LCA5: variants seen among roughly 807,000 people sequenced by gnomAD.
LCA5 encodes the protein lebercilin.
LCA5 carries 37 observed loss-of-function variants against 53.0 expected under a neutral mutation model. The observed-to-expected ratio is 0.70, with a 90% CI of 0.54 to 0.92. The LOEUF (loss-of-function observed/expected upper bound fraction) is 0.92, where lower values mean the gene tolerates loss of function less well. Among genes scored for constraint, LCA5 ranks in the 40% least tolerant of loss-of-function variants. The pLI is 0.00. For synonymous variants in LCA5, 303 were observed against 282.9 expected, an observed-to-expected ratio of 1.07 and a Z score of -0.71; for missense variants, 806 against 790.5, an observed-to-expected ratio of 1.02 and a Z score of -0.23.
chr6:79,500,798 A>G (rs965302698), intron 3 of LCA5, among the ~76,000 whole-genome samples: 2 of 151,926 alleles, frequency 1.3e-5, no homozygotes, highest in Non-Finnish European at 2.9e-5. Flanking sequence ...GCTCCATGTG[A>G]CAGCCCTTTA....
intron 6 of LCA5, among the ~76,000 whole-genome samples, 173 bp from the exon 7 acceptor site, chr6:79,489,389 C>G (rs568516536): frequency 6.6e-6 from 1 of 152,180 alleles, no homozygotes; most frequent in African/African-American, 2.4e-5. Context: ...TTCTTCAAAA[C>G]CGCACAGGAT....
At chr6:79,500,638 G>A (rs1015141154) in intron 3 of LCA5, among the ~76,000 whole-genome samples, 1 of 152,126 alleles carries the variant, frequency 6.6e-6, no homozygotes, top group Admixed American at 6.6e-5. Flanking sequence ...AAATACTTCA[G>A]GAAGCAGAAA....
intron 1 of LCA5, among the ~76,000 whole-genome samples, chr6:79,520,305 A>G (rs1020379774): frequency 1.5e-4 from 23 of 152,174 alleles, no homozygotes; most frequent in African/African-American, 5.3e-4. Context: ...TTATACTATT[A>G]TCATAAAGAA....
intron 3 of LCA5, among the ~76,000 whole-genome samples, chr6:79,505,682 A>T (rs1442643913): frequency 6.6e-6 from 1 of 152,150 alleles, no homozygotes; most frequent in Non-Finnish European, 1.5e-5. Context: ...AATTAGCTTC[A>T]TTTGTTAGAT....
At chr6:79,492,328 A>G (rs1242103475) in intron 5 of LCA5, among the ~76,000 whole-genome samples, 1 of 151,990 alleles carries the variant, frequency 6.6e-6, no homozygotes, top group Non-Finnish European at 1.5e-5. Flanking sequence ...GAAATTTCAA[A>G]AAGTTATGTA....
chr6:79,519,303 T>C (rs1209041916), intron 1 of LCA5, among the ~76,000 whole-genome samples: 1 of 152,214 alleles, frequency 6.6e-6, no homozygotes, highest in Non-Finnish European at 1.5e-5. Context: ...GACATACAAC[T>C]ACTTCTGAAT....
At chr6:79,516,225 T>A (rs1187902006) in intron 2 of LCA5, among the ~76,000 whole-genome samples, 1 of 151,890 alleles carries the variant, frequency 6.6e-6, no homozygotes, top group Non-Finnish European at 1.5e-5. Context: ...GTTGAGAATA[T>A]AATTTTAAAG....
At chr6:79,500,297 C>T (rs1445893497) in intron 3 of LCA5, among the ~76,000 whole-genome samples, 1 of 151,936 alleles carries the variant, frequency 6.6e-6, no homozygotes, top group Non-Finnish European at 1.5e-5. Flanking sequence ...ACATTTTTTC[C>T]AAAGGACATA....
At chr6:79,488,947 C>T in intron 7 of LCA5, 137 bp downstream of exon 7, 1 of 944,402 alleles carries the variant, frequency 1.1e-6, no homozygotes, top group South Asian at 1.5e-5. Context: ...GATAAGCCAT[C>T]CCCTACCACT....
Position 79,487,352 on chromosome 6 carries a change from G to C in LCA5, c.1746C>G (p.Asn582Lys). The C allele has an allele frequency of 6.2e-7, 1 of 1,613,028 alleles. No individual in the cohort carries two copies. The highest frequency in any genetic ancestry group is 8.5e-7 in the Non-Finnish European group (1 of 1,179,704). ...QKSSFLDFQR[N>K]SMEKLSKDGV... ...CATCTTTACTAAGTTTTTCCATACT[G>C]TTTCTTTGGAAATCCAAAAAACTAC... The change falls in exon 8 of 8, where the codon AAC becomes AAG. Residue 582 changes from asparagine (N) to lysine (K), a missense_variant. Asn to Lys is a moderately conservative substitution (Grantham distance 94, BLOSUM62 0). Transcript: ENST00000369846.
In LCA5 at chr6:79,513,335, T is replaced by C; in HGVS notation, c.597A>G (p.Thr199=). 6.2e-7 allele frequency: 1 copy of C among 1,613,958 alleles called. No individual in the cohort carries two copies. Among genetic ancestry groups the C allele is most frequent in the Non-Finnish European group, 8.5e-7 (1 of 1,179,894 alleles). Residue 199 remains threonine (T), a synonymous_variant, in exon 3 of 8, where the codon ACA becomes ACG. Coordinates refer to ENST00000369846, the MANE Select transcript of LCA5 (RefSeq NM_001122769.3). ...VKDTESELFR[T]KFSLQKLKEI... The stretch of plus-strand genomic sequence containing the variant: ...CTTTCAGTTTCTGTAAGGAAAATTT[T>C]GTCCTAAATAGTTCACTTTCTGTAT...
Position 79,487,862 on chromosome 6 carries a change from C to A in LCA5, c.1236G>T (p.Trp412Cys). The stretch of plus-strand genomic sequence containing the variant: ...GCTTTTTATCAAGTTCTTCTCTTTC[C>A]CATTCTGTATGAAATCAAATTTTTT... ...KQEVEKLEDEWEREELDKKQK... is the reference protein window; with the variant it reads ...KQEVEKLEDECEREELDKKQK... The change falls in exon 8 of 8, where the codon TGG becomes TGT. Residue 412 changes from tryptophan (W) to cysteine (C), a missense_variant. By Grantham distance (215) the Trp-to-Cys change is radical (BLOSUM62 -2). Transcript: ENST00000369846. The A allele has an allele frequency of 6.2e-7, 1 of 1,603,762 alleles. No individual in the cohort carries two copies.
chr6:79,496,284 T>C (rs1769982617), intron 3 of LCA5, among the ~76,000 whole-genome samples: 2 of 152,186 alleles, frequency 1.3e-5, no homozygotes, highest in Non-Finnish European at 2.9e-5. Flanking sequence ...CAGTAAAACA[T>C]ACATCTACTA....
chr6:79,497,677 C>CAATA (rs1770018545), intron 3 of LCA5, among the ~76,000 whole-genome samples: 1 of 151,974 alleles, frequency 6.6e-6, no homozygotes, highest in African/African-American at 2.4e-5. Context: ...ACAGAAAGTA[C>CAATA]TATAAAAGAT....
chr6:79,492,678 T>C (rs1263589106), intron 4 of LCA5, 31 bp from the exon 5 acceptor site: 18 of 1,134,682 alleles, frequency 1.6e-5, no homozygotes, highest in African/African-American at 9.2e-5. Context: ...ATTAAGGAAG[T>C]AGAGCCTCTG....
chr6:79,503,576 T>A (rs974112779), intron 3 of LCA5, among the ~76,000 whole-genome samples: 5 of 152,212 alleles, frequency 3.3e-5, no homozygotes, highest in African/African-American at 1.2e-4. Flanking sequence ...TACCTTTAAT[T>A]CATGTACTTT....
Position 79,513,454 on chromosome 6 carries a change from G to A in LCA5, c.478C>T (p.Leu160Phe). 1 of 1,613,844 alleles carries A rather than the reference G, an allele frequency of 6.2e-7. No homozygotes were observed. The highest frequency in any genetic ancestry group is 8.5e-7 in the Non-Finnish European group (1 of 1,179,910). The part of the protein sequence containing the change: ...FEDAENEISQ[L>F]IFRHNNEITA... ...ATCTCATTGTTATGACGAAATATAA[G>A]TTGTGAGATTTCATTTTCGGCATCT... is the stretch of plus-strand genomic sequence containing the variant. Residue 160 changes from leucine to phenylalanine, a missense_variant, in exon 3 of 8, where the codon CTT (leucine) becomes TTT (phenylalanine). Transcript: ENST00000369846.
At chr6:79,537,095 G>A (rs2803198) in intron 1 of LCA5, 70 bp downstream of exon 1, 1,888 of 153,522 alleles carry the variant, frequency 0.012, 42 homozygotes, top group African/African-American at 0.041. Flanking sequence ...CTAGCTACCA[G>A]ACGCTTCAAC....
intron 3 of LCA5, among the ~76,000 whole-genome samples, chr6:79,512,420 T>C (rs1766247877): frequency 6.8e-6 from 1 of 146,846 alleles, no homozygotes; most frequent in Admixed American, 6.7e-5. Flanking sequence ...CATGGCATAT[T>C]ATATAGAGTA....
Sources: allele counts gnomAD v4.1 joint callset (sites outside exome capture counted in the v4.1 genomes callset), GRCh38; gene constraint gnomAD v4.1.1; transcripts MANE v1.5; gene names NCBI Gene and HGNC (gene_info 2026-07-23, HGNC 2026-07-21).